Variants in TUBA8 observed in about 807,000 individuals in gnomAD.
TUBA8 encodes tubulin alpha 8.
In TUBA8, 29 loss-of-function variants were observed where a neutral mutation model predicts 34.7. The observed-to-expected ratio is 0.84, with a 90% CI of 0.62 to 1.14. The LOEUF is 1.14. Among genes scored for constraint, TUBA8 ranks in the 50% most tolerant of loss-of-function variants. The pLI is 0.00. For missense variants in TUBA8, 541 were observed against 599.2 expected (o/e 0.90, Z 1.01); for synonymous variants, 226 against 231.2 (o/e 0.98, Z 0.21).
chr22:18,126,556 C>A lies in TUBA8; in HGVS notation c.578C>A (p.Thr193Asn), dbSNP rs138855467. ...TACAACTCCATCCTGACCACCCACA[C>A]CACACTGGAACATTCAGATTGTGCT... ...EPYNSILTTHTTLEHSDCAFM... is the reference protein window; with the variant it reads ...EPYNSILTTHNTLEHSDCAFM... The change falls in exon 4 of 5, where the codon ACC (threonine) becomes AAC (asparagine). Residue 193 changes from threonine to asparagine, a missense_variant. Coordinates refer to ENST00000330423, the MANE Select transcript of TUBA8 (RefSeq NM_018943.3). This position sits in a 1 kb window ranked among gnomAD's most constrained non-coding sequence, Gnocchi z 4.0. The A allele has an allele frequency of 2.5e-6, 4 of 1,614,068 alleles. No homozygotes were observed. The African/African-American group carries it at 4.0e-5, about 16-fold the overall frequency.
Position 18,130,954 on chromosome 22 carries a change from C to A in TUBA8, c.1168C>A (p.Arg390Ser). The A allele has an allele frequency of 6.2e-7, 1 of 1,614,092 alleles. No individual in the cohort carries two copies. ...NTTAIAEAWA[R>S]LDHKFDLMYA... ...CACGGCCATTGCGGAGGCCTGGGCC[C>A]GCCTCGACCACAAGTTCGACCTCAT... The change falls in exon 5 of 5, where the codon CGC becomes AGC. Residue 390 changes from arginine to serine, a missense_variant. Coordinates refer to ENST00000330423, the MANE Select transcript of TUBA8 (RefSeq NM_018943.3).
chr22:18,124,606 A>G lies in TUBA8; in HGVS notation c.375+302A>G. The G allele has an allele frequency of 3.3e-6, 1 of 305,684 alleles. No homozygotes were observed. The highest frequency in any genetic ancestry group is 6.1e-6 in the Non-Finnish European group (1 of 163,470). The allele number at this position is 305,684 out of a possible 1,614,324, so 18.9% of individuals were successfully genotyped here. On this transcript the variant is annotated intron_variant, in intron 3 of 4. Coordinates refer to ENST00000330423, the MANE Select transcript of TUBA8 (RefSeq NM_018943.3). This position sits in a 1 kb window ranked among gnomAD's most constrained non-coding sequence, Gnocchi z 4.3. ...AGGATGAGGTCTCTGCTGGTCGGAAACACAGGTTAACAAAGCATTTAACTT... is the reference window on the plus strand; with the variant it reads ...AGGATGAGGTCTCTGCTGGTCGGAAGCACAGGTTAACAAAGCATTTAACTT...
Position 18,124,067 on chromosome 22 carries a change from G to A in TUBA8, c.227-89G>A, listed in dbSNP as rs1354295605. 1 of 1,529,140 alleles carries A rather than the reference G, an allele frequency of 6.5e-7. No homozygotes were observed. Among genetic ancestry groups the A allele is most frequent in the African/African-American group, 1.4e-5 (1 of 73,312 alleles). 94.7% of individuals were successfully genotyped at this position (1,529,140 alleles called of 1,614,324 possible). On this transcript the variant is annotated intron_variant, in intron 2 of 4. Coordinates refer to ENST00000330423, the MANE Select transcript of TUBA8 (RefSeq NM_018943.3). This position sits in a 1 kb window ranked among gnomAD's most constrained non-coding sequence, Gnocchi z 4.3. Reference sequence around the variant, plus strand: ...ACCTCCATGGAGTTTTATAGGTAGGGGAGAACGGAAGGGGTCCTGCGGTAG... The same window carrying A: ...ACCTCCATGGAGTTTTATAGGTAGGAGAGAACGGAAGGGGTCCTGCGGTAG...
rs73876568 is a variant in TUBA8, at chr22:18,130,862, C to T, written c.1076C>T (p.Pro359Leu). 6.2e-6 allele frequency: 10 copies of T among 1,613,874 alleles called. No homozygotes were observed. The African/African-American group carries it at 1.2e-4, about 19-fold the overall frequency. ...TGFKVGINYQ[P>L]PTVVPGGDLA... is the part of the protein sequence containing the mutation. ...CCTCAGGTGGGCATCAACTACCAGC[C>T]CCCGACCGTGGTCCCCGGGGGAGAC... The change falls in exon 5 of 5, where the codon CCC (proline) becomes CTC (leucine). Residue 359 changes from proline to leucine, a missense_variant. Transcript: ENST00000330423.
At chr22:18,117,819 A>C (rs1429449132) in intron 1 of TUBA8, 3 of 152,036 alleles carry the variant, frequency 2.0e-5, no homozygotes, top group Non-Finnish European at 4.4e-5. Flanking sequence ...AAATTAAGAA[A>C]AAAAAAGGCT....
chr22:18,130,383 T>C (rs549399254), intron 4 of TUBA8: 1 of 194,822 alleles, frequency 5.1e-6, no homozygotes, highest in Non-Finnish European at 1.1e-5. Context: ...GTCCTCCTTC[T>C]CTAGCCTTTG....
Position 18,126,566 on chromosome 22 carries a change from A to C in TUBA8, c.588A>C (p.Glu196Asp). Residue 196 changes from glutamate (E) to aspartate (D), a missense_variant, in exon 4 of 5, where the codon GAA (glutamate) becomes GAC (aspartate). By Grantham distance (45) the Glu-to-Asp change is conservative. Transcript: ENST00000330423. This position sits in a 1 kb window ranked among gnomAD's most constrained non-coding sequence, Gnocchi z 4.0. Reference protein sequence around the residue: ...NSILTTHTTLEHSDCAFMVDN... With the variant: ...NSILTTHTTLDHSDCAFMVDN... ...TCCTGACCACCCACACCACACTGGA[A>C]CATTCAGATTGTGCTTTCATGGTGG... The C allele has an allele frequency of 6.2e-7, 1 of 1,614,200 alleles. No individual in the cohort carries two copies. Among genetic ancestry groups the C allele is most frequent in the Non-Finnish European group, 8.5e-7 (1 of 1,180,030 alleles).
In TUBA8 at chr22:18,124,087, C is replaced by T. The variant is rs377066585; in HGVS notation, c.227-69C>T. ...GTAGGGGAGAACGGAAGGGGTCCTG[C>T]GGTAGTGTGGTAGGGAGGGAGGCTT... On this transcript the variant is annotated intron_variant, in intron 2 of 4. Transcript: ENST00000330423. This position sits in a 1 kb window ranked among gnomAD's most constrained non-coding sequence, Gnocchi z 4.3. 5.2e-5 allele frequency: 83 copies of T among 1,595,152 alleles called. No individual in the cohort carries two copies. Among genetic ancestry groups the T allele is most frequent in the Admixed American group, 2.5e-4 (15 of 59,716 alleles).
Position 18,124,559 on chromosome 22 carries a change from G to T in TUBA8, c.375+255G>T. On this transcript the variant is annotated intron_variant, in intron 3 of 4. Coordinates refer to ENST00000330423, the MANE Select transcript of TUBA8 (RefSeq NM_018943.3). The surrounding 1 kb of genome is among the most constrained non-coding windows in gnomAD (Gnocchi z 4.3). ...CATTGATACTCTCTGTTAGTATCTG[G>T]GGAAGGTTCCGGGTATAAGGCAGGA... 2.3e-6 allele frequency: 1 copy of T among 442,900 alleles called. No individual in the cohort carries two copies. Among genetic ancestry groups the T allele is most frequent in the Non-Finnish European group, 4.0e-6 (1 of 248,110 alleles). 27.4% of individuals were successfully genotyped at this position (442,900 alleles called of 1,614,324 possible). A position where few individuals can be genotyped will look rare whatever the true frequency, so the allele number is the denominator to read the frequency against.
At position 18,111,306 on chromosome 22, in the gene TUBA8, C is replaced by T. The variant is rs956166956; in HGVS notation, c.3+438C>T. 4.8e-5 allele frequency: 10 copies of T among 208,956 alleles called. No individual in the cohort carries two copies. The highest frequency in any genetic ancestry group is 2.3e-4 in the African/African-American group (10 of 43,040). 12.9% of individuals were successfully genotyped at this position (208,956 alleles called of 1,614,324 possible). A position where few individuals can be genotyped will look rare whatever the true frequency, so the allele number is the denominator to read the frequency against. On this transcript the variant is annotated intron_variant, in intron 1 of 4. Coordinates refer to ENST00000330423, the MANE Select transcript of TUBA8 (RefSeq NM_018943.3). This position sits in a 1 kb window ranked among gnomAD's most constrained non-coding sequence, Gnocchi z 5.1. Reference sequence around the variant, plus strand: ...CCGAACCCAGCCTAATGTGACAGGGCCCGGAATGTGACAGAGGACCTAGGG... The same window carrying T: ...CCGAACCCAGCCTAATGTGACAGGGTCCGGAATGTGACAGAGGACCTAGGG...
At chr22:18,127,165 A>G (rs961356132) in intron 4 of TUBA8, 131 bp downstream of exon 4, 3 of 897,764 alleles carry the variant, frequency 3.3e-6, no homozygotes, top group Middle Eastern at 3.1e-4. Flanking sequence ...ACCAAATGTA[A>G]CATGAATGGA....
At chr22:18,114,476 A>G (rs1225658093) in intron 1 of TUBA8, 1 of 152,096 alleles carries the variant, frequency 6.6e-6, no homozygotes, top group Admixed American at 6.5e-5. Flanking sequence ...CTTGCTATCT[A>G]TTCTTTGTTA....
rs1928478623 is a variant in TUBA8 at position 18,130,854 on chromosome 22, C to G, written c.1068C>G (p.Asn356Lys). The G allele has an allele frequency of 3.1e-6, 5 of 1,613,690 alleles. No individual in the cohort carries two copies. Among genetic ancestry groups the G allele is most frequent in the Non-Finnish European group, 4.2e-6 (5 of 1,180,004 alleles). The change falls in exon 5 of 5, where the codon AAC (asparagine) becomes AAG (lysine). Residue 356 changes from asparagine to lysine, a missense_variant. Asn to Lys is a moderately conservative substitution (Grantham distance 94). Coordinates refer to ENST00000330423, the MANE Select transcript of TUBA8 (RefSeq NM_018943.3). ...TCTGTGTCCCTCAGGTGGGCATCAA[C>G]TACCAGCCCCCGACCGTGGTCCCCG... is the stretch of plus-strand genomic sequence containing the variant. ...WCPTGFKVGI[N>K]YQPPTVVPGG...
chr22:18,119,718 A>G lies in TUBA8; in HGVS notation c.4-1761A>G, dbSNP rs551318255. 6.6e-6 allele frequency: 1 copy of G among 152,506 alleles called. No homozygotes were observed. The highest frequency in any genetic ancestry group is 1.5e-5 in the Non-Finnish European group (1 of 68,194). 9.4% of individuals were successfully genotyped at this position (152,506 alleles called of 1,614,324 possible). ...ACTAGAGTGGGGGCACAGTTGTAAAATTGAACTAGGGGGCAATGGTCCTGA... is the reference window on the plus strand; with the variant it reads ...ACTAGAGTGGGGGCACAGTTGTAAAGTTGAACTAGGGGGCAATGGTCCTGA... On this transcript the variant is annotated intron_variant, in intron 1 of 4. Coordinates refer to ENST00000330423, the MANE Select transcript of TUBA8 (RefSeq NM_018943.3). The surrounding 1 kb of genome is among the most constrained non-coding windows in gnomAD (Gnocchi z 5.9).
rs374307899 is a variant in TUBA8, at chr22:18,126,349, C to T, written c.376-5C>T. 1.2e-6 allele frequency: 2 copies of T among 1,614,064 alleles called. No homozygotes were observed. Among genetic ancestry groups the T allele is most frequent in the Non-Finnish European group, 1.7e-6 (2 of 1,179,986 alleles). ...TGATTTCTTCTCATGTCCTGCTCTC[C>T]CTAGACAGATGCTTGCTCTGGCCTG... On this transcript the variant is annotated splice_polypyrimidine_tract_variant and splice_region_variant and intron_variant, in intron 3 of 4. Transcript: ENST00000330423. This position sits in a 1 kb window ranked among gnomAD's most constrained non-coding sequence, Gnocchi z 4.0.
chr22:18,130,417 C>CTTTTT, intron 4 of TUBA8: 1 of 189,566 alleles, frequency 5.3e-6, no homozygotes, highest in Non-Finnish European at 1.1e-5. Flanking sequence ...TCCCCATCTA[C>CTTTTT]TTTTTTTTTT....
rs896851629 is a variant in TUBA8, at chr22:18,122,110, A to G, written c.226+409A>G. ...CAGCATCTTACACACAAAGGGGCCT[A>G]TCACAGCAGGCACATTGCTTCACAG... On this transcript the variant is annotated intron_variant, in intron 2 of 4. Transcript: ENST00000330423. 12 of 187,620 alleles carry G rather than the reference A, an allele frequency of 6.4e-5. No homozygotes were observed. In the East Asian group the frequency reaches 1.2e-3, roughly 19 times the overall value. The allele number at this position is 187,620 out of a possible 1,614,324, so 11.6% of individuals were successfully genotyped here.
chr22:18,127,394 GTT>G (rs1302279460), intron 4 of TUBA8: 339 of 147,136 alleles, frequency 2.3e-3, no homozygotes, highest in South Asian at 5.5e-3. Flanking sequence ...CGTTAGTTTT[GTT>G]TTTTTTTTTT....
Position 18,124,871 on chromosome 22 carries a change from G to A in TUBA8, c.375+567G>A, listed in dbSNP as rs112879682. 6,110 of 153,240 alleles carry A rather than the reference G, an allele frequency of 0.04. 442 individuals carry two copies. The highest frequency in any genetic ancestry group is 0.21 in the East Asian group (1,080 of 5,184). The allele number at this position is 153,240 out of a possible 1,614,324, so 9.5% of individuals were successfully genotyped here. ...GGACTACAAAGCTCTTGAGTTGTAG[G>A]TTGTGTCACTTTATTTATTTAAGCT... On this transcript the variant is annotated intron_variant, in intron 3 of 4. Transcript: ENST00000330423. This position sits in a 1 kb window ranked among gnomAD's most constrained non-coding sequence, Gnocchi z 4.3.
Sources: allele counts gnomAD v4.1 joint callset, GRCh38; gene constraint gnomAD v4.1.1; non-coding constraint Gnocchi (gnomAD v3.1); transcripts MANE v1.5; gene names NCBI Gene and HGNC (gene_info 2026-07-23, HGNC 2026-07-21).